Variants in CTNNA2 observed in about 807,000 individuals in gnomAD.
CTNNA2 encodes catenin alpha-2.
Under a neutral mutation model 101.0 loss-of-function variants are expected in CTNNA2, and 42 were observed. That is an observed-to-expected ratio of 0.42 (90% CI 0.32 to 0.54). The LOEUF is 0.54. Ranked by LOEUF, CTNNA2 falls within the 20% of genes least tolerant of loss-of-function variation. CTNNA2 has a pLI of 0.14. For missense variants in CTNNA2, 871 were observed against 1,223.1 expected (o/e 0.71, Z 4.29); for synonymous variants, 450 against 456.4 (o/e 0.99, Z 0.18).
chr2:80,098,583 G>T (rs1282104757), intron 7 of CTNNA2, among the ~76,000 whole-genome samples: 1 of 152,230 alleles, frequency 6.6e-6, no homozygotes, highest in African/African-American at 2.4e-5. Flanking sequence ...CCTTTTGTTT[G>T]TCTGTGCCCT....
At chr2:79,971,363 G>C (rs1184089518) in intron 7 of CTNNA2, among the ~76,000 whole-genome samples, 6 of 151,838 alleles carry the variant, frequency 4.0e-5, no homozygotes, top group African/African-American at 1.5e-4. Context: ...TTTATTAATA[G>C]TTTCATATAT....
chr2:80,357,174 C>T (rs1401992780), intron 7 of CTNNA2, among the ~76,000 whole-genome samples: 1 of 148,238 alleles, frequency 6.7e-6, no homozygotes, highest in East Asian at 2.0e-4. Context: ...TTCATCACCA[C>T]AGATCCCTGA....
intron 6 of CTNNA2, among the ~76,000 whole-genome samples, chr2:79,905,354 G>T (rs765094008): frequency 2.0e-5 from 3 of 152,110 alleles, no homozygotes; most frequent in Admixed American, 6.6e-5. Flanking sequence ...GGAACTAAAA[G>T]GTCAAAAAGA....
chr2:79,614,426 A>C (rs1206367813), intron 1 of CTNNA2, among the ~76,000 whole-genome samples: 1 of 152,138 alleles, frequency 6.6e-6, no homozygotes, highest in African/African-American at 2.4e-5. Flanking sequence ...TTTCCTAGGA[A>C]ATAGTTATAA....
At chr2:79,991,271 A>G (rs1692159711) in intron 7 of CTNNA2, among the ~76,000 whole-genome samples, 1 of 152,182 alleles carries the variant, frequency 6.6e-6, no homozygotes, top group Non-Finnish European at 1.5e-5. Context: ...GAGTCTCCTC[A>G]TTCCCAAACT....
intron 7 of CTNNA2, chr2:80,162,975 G>A: frequency 6.5e-7 from 1 of 1,541,672 alleles, no homozygotes; most frequent in South Asian, 1.1e-5. Flanking sequence ...ATCTTGCGAG[G>A]CATGACTACT....
At chr2:79,292,087 G>A (rs1393462443) in intron 2 of CTNNA2, among the ~76,000 whole-genome samples, 1 of 152,152 alleles carries the variant, frequency 6.6e-6, no homozygotes, top group Non-Finnish European at 1.5e-5. Flanking sequence ...CAGATAAAAT[G>A]TTGGAAAGGT....
chr2:80,557,786 G>T (rs1693174614), intron 12 of CTNNA2, among the ~76,000 whole-genome samples: 1 of 152,146 alleles, frequency 6.6e-6, no homozygotes, highest in African/African-American at 2.4e-5. Flanking sequence ...TTAGTTGATT[G>T]TAATATTTTA....
At chr2:80,041,528 C>A (rs1696055689) in intron 7 of CTNNA2, among the ~76,000 whole-genome samples, 1 of 152,088 alleles carries the variant, frequency 6.6e-6, no homozygotes, top group African/African-American at 2.4e-5. Flanking sequence ...AAGACACTAC[C>A]TAGCAAAATT....
intron 3 of CTNNA2, among the ~76,000 whole-genome samples, chr2:79,757,611 A>T (rs1475562619): frequency 1.3e-5 from 2 of 152,232 alleles, no homozygotes; most frequent in Non-Finnish European, 2.9e-5. Flanking sequence ...ACTCAAGAAG[A>T]GTCAGGGAAG....
intron 3 of CTNNA2, among the ~76,000 whole-genome samples, chr2:79,770,937 G>C (rs1213192668): frequency 6.6e-6 from 1 of 152,170 alleles, no homozygotes; most frequent in Admixed American, 6.5e-5. Context: ...ATTGCAGAAA[G>C]TTTAAAAGAA....
rs2104322531 is a variant in CTNNA2, at chr2:79,909,685, C to T, written c.944C>T (p.Ala315Val). 1 of 1,613,928 alleles carries T rather than the reference C, an allele frequency of 6.2e-7. No homozygotes were observed. The highest frequency in any genetic ancestry group is 8.5e-7 in the Non-Finnish European group (1 of 1,179,914). ...ERLESIISGA[A>V]LMADSSCTRD... ...CTGGAGAGCATCATCAGCGGCGCAGCGCTGATGGCCGACTCCTCCTGCACG... is the reference window on the plus strand; with the variant it reads ...CTGGAGAGCATCATCAGCGGCGCAGTGCTGATGGCCGACTCCTCCTGCACG... The change falls in exon 7 of 19, where the codon GCG becomes GTG. Residue 315 changes from alanine (A) to valine (V), a missense_variant. By Grantham distance (64) the Ala-to-Val change is moderately conservative (BLOSUM62 0). This residue lies in a region of CTNNA2 where 647 missense variants were observed against 831.5 expected (regional missense o/e 0.78). Coordinates refer to ENST00000402739, the MANE Select transcript of CTNNA2 (RefSeq NM_001282597.3).
intron 7 of CTNNA2, among the ~76,000 whole-genome samples, chr2:80,165,289 T>C (rs1232059386): frequency 6.6e-6 from 1 of 151,764 alleles, no homozygotes; most frequent in African/African-American, 2.4e-5. Context: ...GTTCCTGATT[T>C]TTTTCTTTCC....
At chr2:79,491,288 G>C (rs1377295368) in intron 4 of CTNNA2, among the ~76,000 whole-genome samples, 3 of 152,042 alleles carry the variant, frequency 2.0e-5, no homozygotes, top group Non-Finnish European at 4.4e-5. Context: ...TGGCAGTCTG[G>C]GCAGTAGATG....
At chr2:80,215,377 C>G (rs1708196676) in intron 7 of CTNNA2, among the ~76,000 whole-genome samples, 8 of 152,176 alleles carry the variant, frequency 5.3e-5, no homozygotes, top group Admixed American at 3.9e-4. Flanking sequence ...TCTGCTCTAT[C>G]CCTATCTTTG....
chr2:79,352,076 A>G (rs797001066), intron 3 of CTNNA2, among the ~76,000 whole-genome samples: 24 of 152,244 alleles, frequency 1.6e-4, no homozygotes, highest in African/African-American at 5.8e-4. Flanking sequence ...CTACAGCCTT[A>G]TCAGCATTTG....
chr2:79,473,737 G>A (rs1423286102), intron 4 of CTNNA2, among the ~76,000 whole-genome samples: 1 of 152,060 alleles, frequency 6.6e-6, no homozygotes, highest in East Asian at 1.9e-4. Flanking sequence ...TGAACTTTCA[G>A]TACAAAAAAT....
intron 7 of CTNNA2, among the ~76,000 whole-genome samples, chr2:80,141,683 A>G (rs1480844233): frequency 6.6e-6 from 1 of 152,086 alleles, no homozygotes; most frequent in Non-Finnish European, 1.5e-5. Context: ...TGCAAGGCCC[A>G]AAGCATGGAA....
At chr2:80,484,979 C>CTG (rs1686452551) in intron 9 of CTNNA2, among the ~76,000 whole-genome samples, 1 of 152,044 alleles carries the variant, frequency 6.6e-6, no homozygotes, top group Non-Finnish European at 1.5e-5. Flanking sequence ...GCATTCCAGC[C>CTG]TGTGTGACAG....
Sources: gnomAD v4.1 joint callset for allele counts (sites outside exome capture counted in the v4.1 genomes callset) on GRCh38, gnomAD v4.1.1 for gene constraint, gnomAD v4.1.1 regional missense constraint, MANE v1.5 for transcripts, NCBI Gene and HGNC (gene_info 2026-07-23, HGNC 2026-07-21) for gene names.